The following EIF4G3 variants were observed in gnomAD, a reference collection of about 807,000 sequenced individuals.
The protein encoded by EIF4G3 is eukaryotic translation initiation factor 4 gamma 3.
A neutral mutation model predicts 186.4 loss-of-function variants in EIF4G3; 34 were observed. The ratio of observed to expected loss-of-function variants is 0.18; its 90% CI spans 0.14 to 0.24. The LOEUF is 0.24. Ranked by LOEUF, EIF4G3 falls within the 10% of genes least tolerant of loss-of-function variation. EIF4G3 has a pLI of 1.00. For synonymous variants in EIF4G3, 673 were observed against 679.5 expected (o/e 0.99, Z 0.15); for missense variants, 1,536 against 1,948.5 (o/e 0.79, Z 3.99).
intron 2 of EIF4G3, among the ~76,000 whole-genome samples, chr1:21,149,189 C>A (rs182725917): frequency 2.0e-3 from 299 of 151,960 alleles, no homozygotes; most frequent in Middle Eastern, 0.017. Flanking sequence ...TGCAGCTATG[C>A]AAATGTGTAT....
chr1:21,151,720 TAA>T (rs11289703), intron 2 of EIF4G3, among the ~76,000 whole-genome samples: 168 of 149,666 alleles, frequency 1.1e-3, no homozygotes, highest in Non-Finnish European at 1.8e-3. Context: ...TTGTATTAAA[TAA>T]AAAAAAAAAC....
chr1:20,844,749 T>C (rs2154549634), intron 29 of EIF4G3, among the ~76,000 whole-genome samples: 1 of 152,136 alleles, frequency 6.6e-6, no homozygotes. Context: ...GGAGAATCAC[T>C]TGAACCCGGG....
chr1:21,052,797 G>A (rs1240104582), intron 3 of EIF4G3, among the ~76,000 whole-genome samples: 5 of 152,184 alleles, frequency 3.3e-5, no homozygotes, highest in African/African-American at 9.6e-5. Context: ...TGGCCGGGCT[G>A]GTCTCCAGCT....
intron 14 of EIF4G3, among the ~76,000 whole-genome samples, chr1:20,920,114 C>T (rs1216894749): frequency 2.0e-5 from 3 of 152,144 alleles, no homozygotes; most frequent in Non-Finnish European, 4.4e-5. Flanking sequence ...CCATGTTGGT[C>T]AGGCTGGTCT....
chr1:20,938,627 TATA>T, intron 14 of EIF4G3, among the ~76,000 whole-genome samples: 1 of 152,228 alleles, frequency 6.6e-6, no homozygotes, highest in Non-Finnish European at 1.5e-5. Flanking sequence ...GTAAACAAGG[TATA>T]ATAAGTGAAT....
At chr1:21,087,231 G>A (rs146633198) in intron 3 of EIF4G3, among the ~76,000 whole-genome samples, 8 of 152,168 alleles carry the variant, frequency 5.3e-5, no homozygotes, top group Middle Eastern at 3.4e-3. Context: ...TTAAAAGATA[G>A]GTTTCACTCC....
chr1:20,840,211 A>G (rs1302288428), intron 30 of EIF4G3, among the ~76,000 whole-genome samples: 1 of 152,228 alleles, frequency 6.6e-6, no homozygotes, highest in African/African-American at 2.4e-5. Context: ...ACCACAAGGA[A>G]CCTGATCCAT....
intron 2 of EIF4G3, among the ~76,000 whole-genome samples, chr1:21,113,083 C>T (rs565749419): frequency 3.0e-5 from 4 of 133,532 alleles, no homozygotes; most frequent in South Asian, 4.7e-4. Flanking sequence ...GCCCAGGAGT[C>T]GAAGCTGCAG....
chr1:20,845,719 T>G (rs1244771500), intron 29 of EIF4G3, among the ~76,000 whole-genome samples: 1 of 152,064 alleles, frequency 6.6e-6, no homozygotes. Context: ...ATATATAGTT[T>G]GAAGTAGGGC....
intron 12 of EIF4G3, among the ~76,000 whole-genome samples, chr1:20,959,685 T>C (rs2096528026): frequency 6.9e-6 from 1 of 144,708 alleles, no homozygotes; most frequent in Non-Finnish European, 1.5e-5. Context: ...ATAATAATAA[T>C]AATAATAATA....
intron 2 of EIF4G3, among the ~76,000 whole-genome samples, chr1:21,150,310 T>A (rs185703858): frequency 8.5e-5 from 13 of 152,250 alleles, no homozygotes; most frequent in Admixed American, 2.6e-4. Context: ...GAAGCAAGCA[T>A]CATAAAAAAT....
intron 3 of EIF4G3, among the ~76,000 whole-genome samples, chr1:21,087,738 A>G (rs1343992241): frequency 1.3e-5 from 2 of 151,888 alleles, no homozygotes; most frequent in Non-Finnish European, 2.9e-5. Context: ...GGTTCACGCC[A>G]TTCTCCTGCC....
At position 20,997,610 on chromosome 1, in the gene EIF4G3, G is replaced by C; in HGVS notation, c.168C>G (p.Pro56=). The part of the protein sequence containing the change: ...YCIFAAGPRP[P]HHQGGFRPIQ... ...GGCAAGGGTACAGTACCTGATGATGGGGAGGTCGAGGCCCCGCTGCAAACT... is the reference window on the plus strand; with the variant it reads ...GGCAAGGGTACAGTACCTGATGATGCGGAGGTCGAGGCCCCGCTGCAAACT... The change falls in exon 7 of 37, where the codon CCC becomes CCG. Residue 56 remains proline (P), a synonymous_variant. Coordinates refer to ENST00000602326, the MANE Select transcript of EIF4G3 (RefSeq NM_001391906.1). The C allele has an allele frequency of 2.6e-6, 4 of 1,547,934 alleles. No individual in the cohort carries two copies. Among genetic ancestry groups the C allele is most frequent in the Non-Finnish European group, 3.5e-6 (4 of 1,145,816 alleles).
chr1:21,058,902 G>T (rs2094727352), intron 3 of EIF4G3, among the ~76,000 whole-genome samples: 1 of 151,238 alleles, frequency 6.6e-6, no homozygotes, highest in Non-Finnish European at 1.5e-5. Context: ...ATAGACTTGT[G>T]ACTGGATTCT....
chr1:21,114,855 G>A (rs993841294), intron 2 of EIF4G3, among the ~76,000 whole-genome samples: 13 of 152,134 alleles, frequency 8.5e-5, no homozygotes, highest in African/African-American at 2.7e-4. Flanking sequence ...CTTGATTTGT[G>A]CTAAGGTGCC....
chr1:21,100,546 T>C (rs1318962277), intron 2 of EIF4G3, among the ~76,000 whole-genome samples: 17 of 152,314 alleles, frequency 1.1e-4, no homozygotes, highest in Non-Finnish European at 2.9e-5. Context: ...TTCATCATCA[T>C]GATCCGGTTC....
intron 2 of EIF4G3, among the ~76,000 whole-genome samples, chr1:21,159,977 G>A (rs1171718233): frequency 6.6e-6 from 1 of 151,978 alleles, no homozygotes; most frequent in African/African-American, 2.4e-5. Context: ...ATGATGGCAG[G>A]TGCCTGTAAT....
intron 18 of EIF4G3, 52 bp downstream of exon 18, chr1:20,893,465 T>C: frequency 2.0e-6 from 3 of 1,508,342 alleles, no homozygotes; most frequent in Non-Finnish European, 2.7e-6. Context: ...TAGGATTTCA[T>C]GGAGTCTGTG....
rs1169920277 is a variant in EIF4G3 at position 20,981,160 on chromosome 1, G to T, written c.266C>A (p.Pro89His). ...TIPNSSPSIRPGAQTPTAVYQ... is the reference protein window; with the variant it reads ...TIPNSSPSIRHGAQTPTAVYQ... Reference sequence around the variant, plus strand: ...CACTGCAGTGGGTGTCTGTGCACCAGGACGAATGGAAGGACTGCTGTTCGG... The same window carrying T: ...CACTGCAGTGGGTGTCTGTGCACCATGACGAATGGAAGGACTGCTGTTCGG... Residue 89 changes from proline (P) to histidine (H), a missense_variant, in exon 9 of 37, where the codon CCT becomes CAT. By Grantham distance (77) the Pro-to-His change is moderately conservative. Around this residue, in one of 11 missense-constraint regions of EIF4G3, gnomAD observed 194 missense variants for 212.8 expected, o/e 0.91. Coordinates refer to ENST00000602326, the MANE Select transcript of EIF4G3 (RefSeq NM_001391906.1). 1.2e-6 allele frequency: 2 copies of T among 1,613,850 alleles called. No individual in the cohort carries two copies. Among genetic ancestry groups the T allele is most frequent in the Non-Finnish European group, 1.7e-6 (2 of 1,179,926 alleles).
Sources: gnomAD v4.1 joint callset for allele counts (sites outside exome capture counted in the v4.1 genomes callset) on GRCh38, gnomAD v4.1.1 for gene constraint, gnomAD v4.1.1 regional missense constraint, MANE v1.5 for transcripts, NCBI Gene and HGNC (gene_info 2026-07-23, HGNC 2026-07-21) for gene names.